PLAGL2: variants seen among roughly 807,000 people sequenced by gnomAD.
PLAGL2 encodes the protein zinc finger protein PLAGL2.
Under a neutral mutation model 29.0 loss-of-function variants are expected in PLAGL2, and 7 were observed. That is an observed-to-expected ratio of 0.24 (90% CI 0.14 to 0.45). PLAGL2 has a LOEUF of 0.45. Among genes scored for constraint, PLAGL2 ranks in the 20% least tolerant of loss-of-function variants. The pLI is 0.99. For synonymous variants in PLAGL2, 234 were observed against 266.0 expected (o/e 0.88, Z 1.17); for missense variants, 454 against 648.2 (o/e 0.70, Z 3.25).
chr20:32,207,524 G>C (rs1263453552), intron 1 of PLAGL2, 117 bp downstream of exon 1: 3 of 152,574 alleles, frequency 2.0e-5, no homozygotes, highest in African/African-American at 7.2e-5. Context: ...GTGGGCGACC[G>C]CGCTGAGGGG....
intron 1 of PLAGL2, among the ~76,000 whole-genome samples, chr20:32,206,683 C>A (rs1238749256): frequency 6.6e-6 from 1 of 152,228 alleles, no homozygotes. Flanking sequence ...CACCGATTCC[C>A]CCACACAGGT....
chr20:32,197,708 GA>G lies in PLAGL2; in HGVS notation c.261-27del. On this transcript the variant is annotated intron_variant, in intron 2 of 2. Coordinates refer to ENST00000246229, the MANE Select transcript of PLAGL2 (RefSeq NM_002657.3). This position sits in a 1 kb window ranked among gnomAD's most constrained non-coding sequence, Gnocchi z 6.6. ...CTGGGGGTAGAGACAGGGGATAGGG[GA>G]GAAAGCAGAAAGAGGGGAGATCACA... 1 of 1,598,544 alleles carries G rather than the reference GA, an allele frequency of 6.3e-7. No homozygotes were observed. The highest frequency in any genetic ancestry group is 1.1e-5 in the South Asian group (1 of 89,878).
In PLAGL2 at chr20:32,193,151, C is replaced by A. The variant is rs1461581592; in HGVS notation, c.*3301G>T. 6.6e-6 allele frequency: 1 copy of A among 152,124 alleles called. No homozygotes were observed. The highest frequency in any genetic ancestry group is 1.5e-5 in the Non-Finnish European group (1 of 68,018). 9.4% of individuals were successfully genotyped at this position (152,124 alleles called of 1,614,324 possible). On this transcript the variant is annotated 3_prime_UTR_variant, in exon 3 of 3. Coordinates refer to ENST00000246229, the MANE Select transcript of PLAGL2 (RefSeq NM_002657.3). Reference sequence around the variant, plus strand: ...TAAAAAGCAAAATATTGATCCTGTACAATATAACCTGTTAAAAAAATCGTG... The same window carrying A: ...TAAAAAGCAAAATATTGATCCTGTAAAATATAACCTGTTAAAAAAATCGTG...
intron 1 of PLAGL2, among the ~76,000 whole-genome samples, chr20:32,206,374 C>A (rs2047287391): frequency 6.6e-6 from 1 of 152,200 alleles, no homozygotes; most frequent in Admixed American, 6.5e-5. Flanking sequence ...GATTTACTCT[C>A]AGGCTGCTAA....
Position 32,196,886 on chromosome 20 carries a change from T to G in PLAGL2, c.1057A>C (p.Lys353Gln). The G allele has an allele frequency of 6.2e-7, 1 of 1,614,132 alleles. No homozygotes were observed. Among genetic ancestry groups the G allele is most frequent in the South Asian group, 1.1e-5 (1 of 91,086 alleles). ...QLGSTSYLPD[K>Q]LPKVEVDSFL... ...CTATCCACCTCCACTTTGGGCAATT[T>G]GTCGGGCAAGTATGAGGTAGATCCA... The change falls in exon 3 of 3, where the codon AAA becomes CAA. Residue 353 changes from lysine to glutamine, a missense_variant. This residue lies in a region of PLAGL2 where 247 missense variants were observed against 350.3 expected (regional missense o/e 0.71). Coordinates refer to ENST00000246229, the MANE Select transcript of PLAGL2 (RefSeq NM_002657.3).
intron 2 of PLAGL2, among the ~76,000 whole-genome samples, chr20:32,200,899 T>C (rs985610812): frequency 2.0e-5 from 3 of 152,182 alleles, no homozygotes; most frequent in African/African-American, 7.2e-5. Flanking sequence ...TGGCCCAAAA[T>C]TGCTTTTGAC....
chr20:32,201,634 C>T (rs149883394), intron 2 of PLAGL2, among the ~76,000 whole-genome samples: 99 of 152,302 alleles, frequency 6.5e-4, no homozygotes, highest in African/African-American at 2.4e-3. Flanking sequence ...CTGACATTGG[C>T]ACCCAGATCG....
In PLAGL2 at chr20:32,192,561, A is replaced by C. The variant is rs2047206374; in HGVS notation, c.*3891T>G. ...TTCATTATAAAAACCTTTTTTTGAA[A>C]ATGTAATTCTGTAAAACATTGAAAA... On this transcript the variant is annotated 3_prime_UTR_variant, in exon 3 of 3. Transcript: ENST00000246229. 1 of 152,572 alleles carries C rather than the reference A, an allele frequency of 6.6e-6. No homozygotes were observed. The highest frequency in any genetic ancestry group is 1.5e-5 in the Non-Finnish European group (1 of 68,028). The allele number at this position is 152,572 out of a possible 1,614,324, so 9.5% of individuals were successfully genotyped here.
At position 32,194,879 on chromosome 20, in the gene PLAGL2, TCCC is replaced by T. The variant is rs1035441841; in HGVS notation, c.*1570_*1572del. 6.6e-6 allele frequency: 1 copy of T among 152,430 alleles called. No homozygotes were observed. The highest frequency in any genetic ancestry group is 1.5e-5 in the Non-Finnish European group (1 of 68,010). 9.4% of individuals were successfully genotyped at this position (152,430 alleles called of 1,614,324 possible). A position where few individuals can be genotyped will look rare whatever the true frequency, so the allele number is the denominator to read the frequency against. ...CGTCTCAAGGGTCCCACAGTGGAGG[TCCC>T]TGAGCTACCTCCCTTCCGTGAGTGG... is the stretch of plus-strand genomic sequence containing the variant. On this transcript the variant is annotated 3_prime_UTR_variant, in exon 3 of 3. Transcript: ENST00000246229.
chr20:32,202,578 T>C (rs2047265494), intron 1 of PLAGL2, among the ~76,000 whole-genome samples: 1 of 152,272 alleles, frequency 6.6e-6, no homozygotes, highest in African/African-American at 2.4e-5. Context: ...ACTAGTACCA[T>C]CTAGGCTAAT....
chr20:32,206,256 C>A (rs1046145135), intron 1 of PLAGL2, among the ~76,000 whole-genome samples: 2 of 151,896 alleles, frequency 1.3e-5, no homozygotes, highest in Admixed American at 1.3e-4. Flanking sequence ...TCGCCCCCTT[C>A]CCCCCCGCCC....
intron 1 of PLAGL2, among the ~76,000 whole-genome samples, chr20:32,204,156 C>G (rs1407892384): frequency 1.3e-5 from 2 of 152,046 alleles, no homozygotes; most frequent in African/African-American, 4.8e-5. Context: ...GGGAATTACC[C>G]CTACCTTCAA....
At chr20:32,207,562 G>C (rs1175380024) in intron 1 of PLAGL2, 79 bp downstream of exon 1, 1 of 153,428 alleles carries the variant, frequency 6.5e-6, no homozygotes, top group African/African-American at 2.4e-5. Flanking sequence ...CGCCGCTCCG[G>C]GTACAGGGCG....
chr20:32,200,104 A>C (rs572844026), intron 2 of PLAGL2, among the ~76,000 whole-genome samples: 1 of 152,348 alleles, frequency 6.6e-6, no homozygotes, highest in African/African-American at 2.4e-5. Context: ...AAACCCAAGG[A>C]GGACCAGCAC....
intron 2 of PLAGL2, among the ~76,000 whole-genome samples, chr20:32,201,317 G>A (rs1233361929): frequency 1.3e-5 from 2 of 152,180 alleles, no homozygotes; most frequent in African/African-American, 4.8e-5. Context: ...AAGTGCGGTG[G>A]CTCATGCCTG....
chr20:32,193,501 A>T lies in PLAGL2; in HGVS notation c.*2951T>A, dbSNP rs1600371271. 1 of 151,884 alleles carries T rather than the reference A, an allele frequency of 6.6e-6. No homozygotes were observed. Among genetic ancestry groups the T allele is most frequent in the Non-Finnish European group, 1.5e-5 (1 of 67,998 alleles). 9.4% of individuals were successfully genotyped at this position (151,884 alleles called of 1,614,324 possible). ...TGACACCTGGGCATGTCATCCCCTT[A>T]CCCCCAGGACTGTACTCAGCCCTGA... On this transcript the variant is annotated 3_prime_UTR_variant, in exon 3 of 3. Coordinates refer to ENST00000246229, the MANE Select transcript of PLAGL2 (RefSeq NM_002657.3).
chr20:32,196,910 C>T lies in PLAGL2; in HGVS notation c.1033G>A (p.Gly345Arg). 6.2e-7 allele frequency: 1 copy of T among 1,614,174 alleles called. No individual in the cohort carries two copies. Among genetic ancestry groups the T allele is most frequent in the Non-Finnish European group, 8.5e-7 (1 of 1,180,010 alleles). ...TTGTCGGGCAAGTATGAGGTAGATC[C>T]AAGCTGGTATTTTGGAGGGAGCTGA... is the stretch of plus-strand genomic sequence containing the variant. ...PAQLPPKYQL[G>R]STSYLPDKLP... The change falls in exon 3 of 3, where the codon GGA becomes AGA. Residue 345 changes from glycine to arginine, a missense_variant. By Grantham distance (125) the Gly-to-Arg change is moderately radical (BLOSUM62 -2). Coordinates refer to ENST00000246229, the MANE Select transcript of PLAGL2 (RefSeq NM_002657.3).
In PLAGL2 at chr20:32,193,889, T is replaced by C. The variant is rs1472294420; in HGVS notation, c.*2563A>G. The C allele has an allele frequency of 6.6e-6, 1 of 151,164 alleles. No homozygotes were observed. The highest frequency in any genetic ancestry group is 1.5e-5 in the Non-Finnish European group (1 of 67,944). 9.4% of individuals were successfully genotyped at this position (151,164 alleles called of 1,614,324 possible). A position where few individuals can be genotyped will look rare whatever the true frequency, so the allele number is the denominator to read the frequency against. ...ATATTATTCCTCTGTACCAGCAAAG[T>C]TCACAGTGATAGGAAAATTCCTTGT... On this transcript the variant is annotated 3_prime_UTR_variant, in exon 3 of 3. Transcript: ENST00000246229.
Position 32,193,193 on chromosome 20 carries a change from A to C in PLAGL2, c.*3259T>G, listed in dbSNP as rs1328679126. On this transcript the variant is annotated 3_prime_UTR_variant, in exon 3 of 3. Transcript: ENST00000246229. The stretch of plus-strand genomic sequence containing the variant: ...AAAATCGTGCTTACAAACAGCTCCT[A>C]GATAAGAGGGCAGGTGGAGAGAGGA... 6.6e-6 allele frequency: 1 copy of C among 152,300 alleles called. No homozygotes were observed. The highest frequency in any genetic ancestry group is 1.5e-5 in the Non-Finnish European group (1 of 68,054). 9.4% of individuals were successfully genotyped at this position (152,300 alleles called of 1,614,324 possible). A position where few individuals can be genotyped will look rare whatever the true frequency, so the allele number is the denominator to read the frequency against.
Sources: gnomAD v4.1 joint callset for allele counts (sites outside exome capture counted in the v4.1 genomes callset) on GRCh38, gnomAD v4.1.1 for gene constraint, gnomAD v4.1.1 regional missense constraint, Gnocchi (gnomAD v3.1) non-coding constraint, MANE v1.5 for transcripts, NCBI Gene and HGNC (gene_info 2026-07-23, HGNC 2026-07-21) for gene names.